GRB10: variants seen among roughly 807,000 people sequenced by gnomAD.
GRB10 encodes growth factor receptor bound protein 10, also known as growth factor receptor-bound protein 10.
In GRB10, 20 loss-of-function variants were observed where a neutral mutation model predicts 80.9. The observed-to-expected ratio is 0.25, with a 90% CI of 0.17 to 0.36. The LOEUF (loss-of-function observed/expected upper bound fraction) is 0.36. Among genes scored for constraint, GRB10 ranks in the 10% least tolerant of loss-of-function variants. The pLI, the probability that GRB10 is intolerant of heterozygous loss-of-function variation, is 1.00. For missense variants in GRB10, 548 were observed against 747.7 expected (o/e 0.73, Z 3.12); for synonymous variants, 291 against 291.5 (o/e 1.00, Z 0.02).
chr7:50,751,755 T>A (rs2074143823), intron 3 of GRB10, among the ~76,000 whole-genome samples: 1 of 152,180 alleles, frequency 6.6e-6, no homozygotes, highest in South Asian at 2.1e-4. Context: ...TGAAAACAAT[T>A]TGGGGGCAGG....
chr7:50,742,507 CTTG>C (rs2153697274), intron 3 of GRB10, among the ~76,000 whole-genome samples: 1 of 152,312 alleles, frequency 6.6e-6, no homozygotes, highest in South Asian at 2.1e-4. Context: ...CACCCGGGTG[CTTG>C]TTAACACACA....
chr7:50,631,768 G>A (rs2054042005), intron 7 of GRB10, among the ~76,000 whole-genome samples: 1 of 152,238 alleles, frequency 6.6e-6, no homozygotes, highest in Non-Finnish European at 1.5e-5. Context: ...AGACTGCTGT[G>A]CCAGGAAGGC....
chr7:50,780,007 C>T (rs1335455194), intron 2 of GRB10, among the ~76,000 whole-genome samples: 6 of 152,142 alleles, frequency 3.9e-5, no homozygotes, highest in Non-Finnish European at 7.3e-5. Context: ...AAGAAGCAAA[C>T]GGGGCCAATA....
At chr7:50,653,703 A>G (rs2058288788) in intron 7 of GRB10, among the ~76,000 whole-genome samples, 1 of 152,220 alleles carries the variant, frequency 6.6e-6, no homozygotes, top group Non-Finnish European at 1.5e-5. Context: ...GAAACGATGC[A>G]TCGGGAAGAG....
Position 50,618,125 on chromosome 7 carries a change from T to C in GRB10, c.792A>G (p.Glu264=). The change falls in exon 10 of 19, where the codon GAA becomes GAG. Residue 264 remains glutamate, a synonymous_variant. Coordinates refer to ENST00000401949, the MANE Select transcript of GRB10 (RefSeq NM_001350814.2). Reference sequence around the variant, plus strand: ...ACTGCTGGCACCAAGTAACCATCTGTTCTGGGAAGAAATTCTAAGAAAATG... The same window carrying C: ...ACTGCTGGCACCAAGTAACCATCTGCTCTGGGAAGAAATTCTAAGAAAATG... ...FFKNPMNFFP[E]QMVTWCQQSN... is the part of the protein sequence containing the mutation. 3 of 1,613,986 alleles carry C rather than the reference T, an allele frequency of 1.9e-6. No homozygotes were observed. The highest frequency in any genetic ancestry group is 2.5e-6 in the Non-Finnish European group (3 of 1,179,858).
chr7:50,680,189 G>A (rs2153647345), intron 5 of GRB10, among the ~76,000 whole-genome samples: 1 of 152,242 alleles, frequency 6.6e-6, no homozygotes, highest in African/African-American at 2.4e-5. Flanking sequence ...CTACACACAG[G>A]CAGGATTTGA....
chr7:50,729,962 T>C lies in GRB10; in HGVS notation c.51+2310A>G, dbSNP rs142404046. On this transcript the variant is annotated intron_variant, in intron 4 of 18. Transcript: ENST00000401949. ...ATCAAAGAATTAAAGATCACAGCCC[T>C]TGACTCAGCTTCTAAAGGATGACCA... 1.7e-3 allele frequency among the ~76,000 whole-genome samples: 252 copies of C among 152,184 alleles called. 1 individual carries two copies. The highest frequency in any genetic ancestry group is 2.9e-3 in the Non-Finnish European group (196 of 67,998).
intron 3 of GRB10, among the ~76,000 whole-genome samples, chr7:50,738,055 G>C (rs2071114575): frequency 6.6e-6 from 1 of 152,144 alleles, no homozygotes; most frequent in Non-Finnish European, 1.5e-5. Flanking sequence ...ATGCAAATCA[G>C]AACTGCAACA....
intron 12 of GRB10, 139 bp downstream of exon 12, chr7:50,614,631 C>G: frequency 1.3e-6 from 1 of 747,602 alleles, no homozygotes; most frequent in African/African-American, 1.7e-5. Flanking sequence ...AATGTTTTTA[C>G]AGGAATGGAT....
chr7:50,756,574 C>G (rs939498214), intron 2 of GRB10, among the ~76,000 whole-genome samples: 1 of 152,236 alleles, frequency 6.6e-6, no homozygotes, highest in African/African-American at 2.4e-5. Flanking sequence ...GGGTGCAGAG[C>G]AGGCAGACCT....
chr7:50,668,865 G>A (rs1321779948), intron 7 of GRB10, among the ~76,000 whole-genome samples: 1 of 152,196 alleles, frequency 6.6e-6, no homozygotes, highest in Non-Finnish European at 1.5e-5. Context: ...AATGCTCTGT[G>A]CCTCAGTTTC....
At chr7:50,723,707 T>A (rs2068115493) in intron 4 of GRB10, among the ~76,000 whole-genome samples, 1 of 152,174 alleles carries the variant, frequency 6.6e-6, no homozygotes, top group Non-Finnish European at 1.5e-5. Flanking sequence ...AGTGCAGGTA[T>A]AACTGTCAGC....
intron 5 of GRB10, among the ~76,000 whole-genome samples, chr7:50,683,370 C>G (rs2061744432): frequency 6.6e-6 from 1 of 152,100 alleles, no homozygotes; most frequent in African/African-American, 2.4e-5. Context: ...GAATAGAGTT[C>G]TATGGATGGA....
At chr7:50,735,207 A>G (rs1404214220) in intron 3 of GRB10, among the ~76,000 whole-genome samples, 1 of 152,256 alleles carries the variant, frequency 6.6e-6, no homozygotes, top group Admixed American at 6.5e-5. Context: ...TCCATTTACA[A>G]TAGCATCAAA....
At chr7:50,609,008 A>G (rs1453020089) in intron 13 of GRB10, among the ~76,000 whole-genome samples, 2 of 151,626 alleles carry the variant, frequency 1.3e-5, no homozygotes, top group Admixed American at 6.6e-5. Context: ...GGTAACCAGG[A>G]GAAAATAGTA....
At chr7:50,625,115 A>G (rs1358064197) in intron 8 of GRB10, among the ~76,000 whole-genome samples, 1 of 152,154 alleles carries the variant, frequency 6.6e-6, no homozygotes, top group African/African-American at 2.4e-5. Context: ...TTATTTATCT[A>G]CCATATGATA....
rs1403156018 is a variant in GRB10 at position 50,756,033 on chromosome 7, T to C, written c.-193A>G. 4 of 398,624 alleles carry C rather than the reference T, an allele frequency of 1.0e-5. No individual in the cohort carries two copies. Among genetic ancestry groups the C allele is most frequent in the Non-Finnish European group, 1.8e-5 (4 of 226,180 alleles). The allele number at this position is 398,624 out of a possible 1,614,324, so 24.7% of individuals were successfully genotyped here. A position where few individuals can be genotyped will look rare whatever the true frequency, so the allele number is the denominator to read the frequency against. On this transcript the variant is annotated 5_prime_UTR_variant, in exon 3 of 19. Coordinates refer to ENST00000401949, the MANE Select transcript of GRB10 (RefSeq NM_001350814.2). The stretch of plus-strand genomic sequence containing the variant: ...TGGGCCTGCAGCTGCTGCTTCCTGC[T>C]CAGCATTGTGGTCAGCGCCAAAGCT...
chr7:50,705,509 CCTCT>C (rs1378716779), intron 4 of GRB10, among the ~76,000 whole-genome samples: 4 of 151,942 alleles, frequency 2.6e-5, no homozygotes, highest in African/African-American at 7.3e-5. Context: ...TAAAACGGAA[CCTCT>C]CTTTTTATCA....
intron 14 of GRB10, 30 bp from the exon 15 acceptor site, chr7:50,605,436 T>C (rs1434966810): frequency 6.4e-7 from 1 of 1,554,750 alleles, no homozygotes; most frequent in Non-Finnish European, 8.9e-7. Context: ...GTTCTTAAAA[T>C]GCAGGGAAAT....
Sources: gnomAD v4.1 joint callset for allele counts (sites outside exome capture counted in the v4.1 genomes callset) on GRCh38, gnomAD v4.1.1 for gene constraint, MANE v1.5 for transcripts, NCBI Gene and HGNC (gene_info 2026-07-23, HGNC 2026-07-21) for gene names.